Variants in CAMTA1 observed in about 807,000 individuals in gnomAD.
The protein encoded by CAMTA1 is calmodulin-binding transcription activator 1.
In CAMTA1, 27 loss-of-function variants were observed where a neutral mutation model predicts 170.9. That is an observed-to-expected ratio of 0.16 (90% CI 0.12 to 0.22). The LOEUF is 0.22. CAMTA1 is among the 10% of genes least tolerant of loss of function. The pLI is 1.00. For missense variants in CAMTA1, 1,619 were observed against 2,217.2 expected, an observed-to-expected ratio of 0.73 and a Z score of 5.42; for synonymous variants, 833 against 891.5, an observed-to-expected ratio of 0.93 and a Z score of 1.17.
At chr1:7,639,010 G>T (rs181691771) in intron 6 of CAMTA1, among the ~76,000 whole-genome samples, 1 of 152,098 alleles carries the variant, frequency 6.6e-6, no homozygotes, top group Non-Finnish European at 1.5e-5. Context: ...ACAGAGTCTC[G>T]CTCTGTTGCC....
chr1:7,659,147 C>T (rs538201520), intron 7 of CAMTA1, among the ~76,000 whole-genome samples: 7 of 152,284 alleles, frequency 4.6e-5, no homozygotes, highest in Admixed American at 2.6e-4. Flanking sequence ...AGCGGACACC[C>T]GGGTCAGGCG....
intron 3 of CAMTA1, among the ~76,000 whole-genome samples, chr1:6,882,034 G>C (rs1671786287): frequency 1.3e-5 from 2 of 152,156 alleles, no homozygotes; most frequent in Admixed American, 1.3e-4. Flanking sequence ...TTCCAGGGCA[G>C]GGCCAGCAGA....
intron 4 of CAMTA1, among the ~76,000 whole-genome samples, chr1:7,235,206 C>T (rs1056640232): frequency 6.6e-6 from 1 of 152,172 alleles, no homozygotes; most frequent in African/African-American, 2.4e-5. Context: ...GTGTCCCGAC[C>T]CGCCAGGTTC....
chr1:7,121,396 C>G (rs1178402693), intron 4 of CAMTA1, among the ~76,000 whole-genome samples: 3 of 152,208 alleles, frequency 2.0e-5, no homozygotes, highest in Non-Finnish European at 4.4e-5. Context: ...AAATCAAACT[C>G]TAATGTGGTC....
chr1:7,486,713 C>G (rs1373173541), intron 6 of CAMTA1, among the ~76,000 whole-genome samples: 2 of 152,228 alleles, frequency 1.3e-5, no homozygotes, highest in African/African-American at 4.8e-5. Context: ...CATCTTTCAT[C>G]AGGGTCATGG....
At chr1:6,921,092 T>C (rs1191525605) in intron 3 of CAMTA1, among the ~76,000 whole-genome samples, 1 of 152,248 alleles carries the variant, frequency 6.6e-6, no homozygotes, top group East Asian at 1.9e-4. Flanking sequence ...TTTTCCAAAC[T>C]TTTATGCTGT....
rs137925341 is a variant in CAMTA1 at position 7,345,050 on chromosome 1, C to A, written c.438+95424C>A. On this transcript the variant is annotated intron_variant, in intron 5 of 22. Transcript: ENST00000303635. ...ACAGGTGTGAGCCACCGCGCCCAGC[C>A]TCCTGCTCAAGTCTTTTGTCCATTT... 1.9e-3 allele frequency among the ~76,000 whole-genome samples: 289 copies of A among 152,084 alleles called. 1 individual carries two copies. The highest frequency in any genetic ancestry group is 6.3e-3 in the African/African-American group (260 of 41,492).
chr1:7,336,129 G>T (rs2083369770), intron 5 of CAMTA1, among the ~76,000 whole-genome samples: 1 of 152,200 alleles, frequency 6.6e-6, no homozygotes. Context: ...TGGCCTGCCT[G>T]GACTGGGTGT....
At chr1:7,114,447 G>GA (rs35442405) in intron 4 of CAMTA1, among the ~76,000 whole-genome samples, 54,133 of 136,514 alleles carry the variant, frequency 0.4, 10,488 homozygotes, top group Middle Eastern at 0.46. Context: ...TGATAAGCCA[G>GA]AAAAAACAAA....
chr1:7,404,465 CT>C (rs2090142886), intron 5 of CAMTA1, among the ~76,000 whole-genome samples: 1 of 152,254 alleles, frequency 6.6e-6, no homozygotes, highest in South Asian at 2.1e-4. Flanking sequence ...CAGAGACCAC[CT>C]TTTGTGCGGG....
At chr1:7,340,544 G>GCCTCCCTCCCCCCCTC (rs772743867) in intron 5 of CAMTA1, among the ~76,000 whole-genome samples, 1 of 105,422 alleles carries the variant, frequency 9.5e-6, no homozygotes, top group Non-Finnish European at 1.9e-5. Flanking sequence ...CTGCCTGCCT[G>GCCTCCCTCCCCCCCTC]CCTGCCTGCC....
Position 7,751,196 on chromosome 1 carries a change from C to T in CAMTA1, c.4690-3C>T. ...GTGTCGCTTGTTCTTGTTTCCCCTG[C>T]AGTACGCACTTTATAAAAAGATGAC... On this transcript the variant is annotated splice_region_variant and splice_polypyrimidine_tract_variant and intron_variant, in intron 19 of 22. Coordinates refer to ENST00000303635, the MANE Select transcript of CAMTA1 (RefSeq NM_015215.4). 1 of 1,575,178 alleles carries T rather than the reference C, an allele frequency of 6.3e-7. No individual in the cohort carries two copies. The highest frequency in any genetic ancestry group is 8.6e-7 in the Non-Finnish European group (1 of 1,162,854).
intron 3 of CAMTA1, among the ~76,000 whole-genome samples, chr1:6,854,943 CA>C (rs1008089199): frequency 2.6e-5 from 4 of 152,082 alleles, no homozygotes; most frequent in Non-Finnish European, 5.9e-5. Flanking sequence ...TCTTTTGAGA[CA>C]GGGAAAGAGA....
intron 6 of CAMTA1, among the ~76,000 whole-genome samples, chr1:7,591,063 TC>T (rs2095351811): frequency 6.6e-6 from 1 of 152,088 alleles, no homozygotes; most frequent in African/African-American, 2.4e-5. Flanking sequence ...GTCTGCCATT[TC>T]CCCCATAATG....
rs190719838 is a variant in CAMTA1, at chr1:7,567,024, G to A, written c.511-73376G>A. Among the ~76,000 whole-genome samples, 7 of 152,360 alleles carry A rather than the reference G, an allele frequency of 4.6e-5. No homozygotes were observed. In the East Asian group the frequency reaches 1.2e-3, roughly 25 times the overall value. ...CCCACCCTGGGTCAGGGTCTGGGAT[G>A]GAGGAGGCTCAGAGCAGACAGCTGT... is the stretch of plus-strand genomic sequence containing the variant. On this transcript the variant is annotated intron_variant, in intron 6 of 22. Coordinates refer to ENST00000303635, the MANE Select transcript of CAMTA1 (RefSeq NM_015215.4).
intron 6 of CAMTA1, among the ~76,000 whole-genome samples, chr1:7,531,488 C>A (rs1220471527): frequency 6.6e-6 from 1 of 152,216 alleles, no homozygotes; most frequent in African/African-American, 2.4e-5. Flanking sequence ...GAGGGGACTC[C>A]TGAGCACCTC....
chr1:7,696,186 T>G (rs112871927), intron 11 of CAMTA1, among the ~76,000 whole-genome samples: 3 of 151,868 alleles, frequency 2.0e-5, no homozygotes, highest in Non-Finnish European at 4.4e-5. Context: ...AAGTTTTTGT[T>G]TTGTTGTTGC....
chr1:7,431,542 C>G (rs1400807517), intron 5 of CAMTA1, among the ~76,000 whole-genome samples: 1 of 151,674 alleles, frequency 6.6e-6, no homozygotes, highest in Admixed American at 6.6e-5. Context: ...CTGGGCAGCC[C>G]CACTTGGCAG....
chr1:7,552,881 C>T (rs550970399), intron 6 of CAMTA1, among the ~76,000 whole-genome samples: 4 of 152,324 alleles, frequency 2.6e-5, no homozygotes, highest in South Asian at 2.1e-4. Flanking sequence ...CGGAGCCGCA[C>T]GGAGAGCCTC....
Sources: gnomAD v4.1 joint callset for allele counts (sites outside exome capture counted in the v4.1 genomes callset) on GRCh38, gnomAD v4.1.1 for gene constraint, MANE v1.5 for transcripts, NCBI Gene and HGNC (gene_info 2026-07-23, HGNC 2026-07-21) for gene names.